Variants in ACSL1 observed in about 807,000 individuals in gnomAD.
The protein encoded by ACSL1 is acyl-CoA synthetase long chain family member 1.
A neutral mutation model predicts 98.4 loss-of-function variants in ACSL1; 41 were observed. The ratio of observed to expected loss-of-function variants is 0.42; its 90% CI spans 0.32 to 0.54. ACSL1 has a LOEUF of 0.54. ACSL1 is among the 20% of genes least tolerant of loss of function. The pLI, the probability that ACSL1 is intolerant of heterozygous loss-of-function variation, is 0.13. For missense variants in ACSL1, 734 were observed against 883.1 expected, an observed-to-expected ratio of 0.83 and a Z score of 2.14; for synonymous variants, 316 against 322.7, an observed-to-expected ratio of 0.98 and a Z score of 0.22.
chr4:184,795,482 C>G (rs1463011328), intron 2 of ACSL1, among the ~76,000 whole-genome samples: 1 of 152,194 alleles, frequency 6.6e-6, no homozygotes, highest in Non-Finnish European at 1.5e-5. Context: ...GCTTTTTCTT[C>G]CTGGGTAAAG....
At chr4:184,820,200 G>A (rs540370335) in intron 1 of ACSL1, among the ~76,000 whole-genome samples, 1 of 152,216 alleles carries the variant, frequency 6.6e-6, no homozygotes, top group Admixed American at 6.6e-5. Context: ...TGTATTTTTA[G>A]TAGAGACAGG....
At chr4:184,808,492 C>A in intron 1 of ACSL1, 1 of 985,468 alleles carries the variant, frequency 1.0e-6, no homozygotes, top group Non-Finnish European at 1.2e-6. Context: ...GAAAGCCTGA[C>A]ATCTTTCCTT....
At chr4:184,821,577 A>T (rs1773074980) in intron 1 of ACSL1, among the ~76,000 whole-genome samples, 1 of 152,238 alleles carries the variant, frequency 6.6e-6, no homozygotes, top group Non-Finnish European at 1.5e-5. Context: ...CCTATTCATT[A>T]GTAAAAACAC....
rs527510702 is a variant in ACSL1, at chr4:184,793,283, A to G, written c.196-4552T>C. 3.9e-5 allele frequency among the ~76,000 whole-genome samples: 6 copies of G among 152,108 alleles called. No homozygotes were observed. In the East Asian group the frequency reaches 1.2e-3, roughly 29 times the overall value. ...TATTCCGCAACATCTCTACAAGCTCAGGTTCCTCCTGAGGTCAGTCTCCCC... is the reference window on the plus strand; with the variant it reads ...TATTCCGCAACATCTCTACAAGCTCGGGTTCCTCCTGAGGTCAGTCTCCCC... On this transcript the variant is annotated intron_variant, in intron 2 of 20. Transcript: ENST00000281455.
In ACSL1 at chr4:184,788,720, A is replaced by G. The variant is rs1373418892; in HGVS notation, c.207T>C (p.Gly69=). ...TGTCAAGTAGTGCGGATCTTCGTGCACCACCACTACCCTATCAAAAAAGAA... is the reference window on the plus strand; with the variant it reads ...TGTCAAGTAGTGCGGATCTTCGTGCGCCACCACTACCCTATCAAAAAAGAA... ...MQSVEVAGSG[G]ARRSALLDSD... is the part of the protein sequence containing the mutation. Residue 69 remains glycine (G), a synonymous_variant, in exon 3 of 21, where the codon GGT becomes GGC. Transcript: ENST00000281455. The G allele has an allele frequency of 1.5e-5, 25 of 1,614,118 alleles. No homozygotes were observed. Among genetic ancestry groups the G allele is most frequent in the Non-Finnish European group, 2.1e-5 (25 of 1,179,964 alleles).
At chr4:184,787,276 G>A (rs769805091) in intron 3 of ACSL1, among the ~76,000 whole-genome samples, 1 of 152,240 alleles carries the variant, frequency 6.6e-6, no homozygotes, top group Non-Finnish European at 1.5e-5. Context: ...CTCACTGTGT[G>A]CCAGGCACTG....
At chr4:184,823,344 T>C (rs1773214283) in intron 1 of ACSL1, among the ~76,000 whole-genome samples, 2 of 152,184 alleles carry the variant, frequency 1.3e-5, no homozygotes, top group African/African-American at 4.8e-5. Context: ...CCACAAAACA[T>C]TACTAATGGA....
intron 1 of ACSL1, among the ~76,000 whole-genome samples, chr4:184,810,422 A>G (rs1771935576): frequency 6.6e-6 from 1 of 152,194 alleles, no homozygotes; most frequent in African/African-American, 2.4e-5. Context: ...TTCATCTTAT[A>G]TTGGGACAGG....
rs1250906729 is a variant in ACSL1 at position 184,825,040 on chromosome 4, C to T, written c.-33+876G>A. 1 of 305,574 alleles carries T rather than the reference C, an allele frequency of 3.3e-6. No homozygotes were observed. Among genetic ancestry groups the T allele is most frequent in the African/African-American group, 2.3e-5 (1 of 44,228 alleles). The allele number at this position is 305,574 out of a possible 1,614,324, so 18.9% of individuals were successfully genotyped here. ...TCGCGGGACTTTAGACACTCCTGCA[C>T]CAAGAAGCTTAAAAGTCTTAGCCAG... On this transcript the variant is annotated intron_variant, in intron 1 of 20. Transcript: ENST00000281455. This position sits in a 1 kb window ranked among gnomAD's most constrained non-coding sequence, Gnocchi z 4.7.
chr4:184,774,390 C>A (rs931522815), intron 7 of ACSL1, among the ~76,000 whole-genome samples: 8 of 152,102 alleles, frequency 5.3e-5, no homozygotes, highest in African/African-American at 1.9e-4. Flanking sequence ...TTTGGAGAGG[C>A]TCAAATATCT....
At chr4:184,822,849 G>A (rs1773174345) in intron 1 of ACSL1, among the ~76,000 whole-genome samples, 1 of 152,096 alleles carries the variant, frequency 6.6e-6, no homozygotes, top group Non-Finnish European at 1.5e-5. Flanking sequence ...CCCAAGGCTT[G>A]CCACAAACTG....
At chr4:184,821,769 T>C (rs1773086819) in intron 1 of ACSL1, among the ~76,000 whole-genome samples, 1 of 152,232 alleles carries the variant, frequency 6.6e-6, no homozygotes, top group African/African-American at 2.4e-5. Flanking sequence ...ACTTATTTTT[T>C]GAAGAATATG....
rs534144389 is a variant in ACSL1, at chr4:184,783,024, G to A, written c.375+903C>T. On this transcript the variant is annotated intron_variant, in intron 4 of 20. Transcript: ENST00000281455. Reference sequence around the variant, plus strand: ...GAATCCGCATGATTACCTGCCCCGAGAGCAGGAGAAGGGGGGCCAGGGACG... The same window carrying A: ...GAATCCGCATGATTACCTGCCCCGAAAGCAGGAGAAGGGGGGCCAGGGACG... Among the ~76,000 whole-genome samples the A allele has an allele frequency of 2.6e-5, 4 of 152,170 alleles. No homozygotes were observed. In the South Asian group the frequency reaches 8.3e-4, roughly 32 times the overall value.
chr4:184,825,426 CCGG>C lies in ACSL1; in HGVS notation c.-33+487_-33+489del, dbSNP rs1773396071. ...CCTCGTGCCGCCGCGCTGCGTGGGG[CCGG>C]CATCTCAGCGGGCGCGAGTGCAGTC... On this transcript the variant is annotated intron_variant, in intron 1 of 20. Transcript: ENST00000281455. This position sits in a 1 kb window ranked among gnomAD's most constrained non-coding sequence, Gnocchi z 4.7. 1.3e-5 allele frequency among the ~76,000 whole-genome samples: 2 copies of C among 152,060 alleles called. No individual in the cohort carries two copies. The highest frequency in any genetic ancestry group is 4.1e-4 in the South Asian group (2 of 4,836).
chr4:184,788,843 T>C lies in ACSL1; in HGVS notation c.196-112A>G, dbSNP rs1352041981. On this transcript the variant is annotated intron_variant, in intron 2 of 20. Transcript: ENST00000281455. ...CATTCCTTTACATTCTTGTCACTTA[T>C]CTGTAGTGAGAACACTTAAAATCTA... 8 of 773,384 alleles carry C rather than the reference T, an allele frequency of 1.0e-5. No homozygotes were observed. The East Asian group carries it at 1.3e-4, about 12-fold the overall frequency. 47.9% of individuals were successfully genotyped at this position (773,384 alleles called of 1,614,324 possible). A position where few individuals can be genotyped will look rare whatever the true frequency, so the allele number is the denominator to read the frequency against.
In ACSL1 at chr4:184,770,460, C is replaced by A; in HGVS notation, c.932G>T (p.Cys311Phe). The A allele has an allele frequency of 1.3e-6, 2 of 1,593,798 alleles. No homozygotes were observed. The highest frequency in any genetic ancestry group is 1.7e-6 in the Non-Finnish European group (2 of 1,168,936). ...GAAAGATATCAAAGTATCATCTGGG[C>A]AAGGATTGACTGTATTCTGTAAGCA... ...VKATENTVNPCPDDTLISFLP... is the reference protein window; with the variant it reads ...VKATENTVNPFPDDTLISFLP... The change falls in exon 11 of 21, where the codon TGC becomes TTC. Residue 311 changes from cysteine to phenylalanine, a missense_variant. Transcript: ENST00000281455.
At chr4:184,791,000 T>A (rs6823198) in intron 2 of ACSL1, among the ~76,000 whole-genome samples, 151,902 of 152,360 alleles carry the variant, frequency 1, 75,724 homozygotes, top group Non-Finnish European at 1. Context: ...GAAGAATGAG[T>A]GGGTGTGAAA....
intron 1 of ACSL1, among the ~76,000 whole-genome samples, chr4:184,819,113 ACATGGGCATCGTAC>A (rs1422844435): frequency 6.6e-6 from 1 of 151,652 alleles, no homozygotes; most frequent in East Asian, 1.9e-4. Context: ...AAATAGGCCA[ACATGGGCATCGTAC>A]CATTTAGATG....
chr4:184,781,917 G>A (rs1766335549), intron 4 of ACSL1, among the ~76,000 whole-genome samples: 1 of 152,104 alleles, frequency 6.6e-6, no homozygotes, highest in South Asian at 2.1e-4. Context: ...CTGGCCTGGA[G>A]TTATTTTCTT....
Sources: gnomAD v4.1 joint callset for allele counts (sites outside exome capture counted in the v4.1 genomes callset) on GRCh38, gnomAD v4.1.1 for gene constraint, Gnocchi (gnomAD v3.1) non-coding constraint, MANE v1.5 for transcripts, NCBI Gene and HGNC (gene_info 2026-07-23, HGNC 2026-07-21) for gene names.